OR2L13: variants seen among roughly 807,000 people sequenced by gnomAD.
OR2L13 encodes the protein olfactory receptor family 2 subfamily L member 13.
OR2L13 carries 14 observed loss-of-function variants against 15.3 expected under a neutral mutation model. The observed-to-expected ratio is 0.91, with a 90% CI of 0.60 to 1.43. OR2L13 has a LOEUF of 1.43. Among genes scored for constraint, OR2L13 ranks in the 40% most tolerant of loss-of-function variants. OR2L13 has a pLI of 0.00. For missense variants in OR2L13, 367 were observed against 387.9 expected (o/e 0.95, Z 0.45); for synonymous variants, 152 against 142.9 (o/e 1.06, Z -0.45).
the OR2L13 span, among the ~76,000 whole-genome samples, chr1:247,994,013 CT>C: frequency 6.6e-6 from 1 of 152,096 alleles, no homozygotes; most frequent in Non-Finnish European, 1.5e-5. Flanking sequence ...CTTAAAGGTC[CT>C]GTATGTTTCA....
the OR2L13 span, among the ~76,000 whole-genome samples, chr1:248,075,480 G>C: frequency 1.1e-4 from 17 of 152,278 alleles, no homozygotes; most frequent in African/African-American, 4.1e-4. Flanking sequence ...CAATGTAAAA[G>C]CGTTCCTATT....
chr1:248,038,891 TC>T, the OR2L13 span: 1 of 1,614,128 alleles, frequency 6.2e-7, no homozygotes, highest in Non-Finnish European at 8.5e-7. Flanking sequence ...TTCTTGTGCT[TC>T]CTTTCACTGG....
the OR2L13 span, among the ~76,000 whole-genome samples, chr1:248,004,371 G>T: frequency 6.6e-6 from 1 of 152,110 alleles, no homozygotes; most frequent in East Asian, 1.9e-4. Context: ...ACCAAAGTTG[G>T]CACTTAGTAT....
At chr1:248,073,922 A>G in the OR2L13 span, among the ~76,000 whole-genome samples, 3 of 152,018 alleles carry the variant, frequency 2.0e-5, no homozygotes, top group Non-Finnish European at 4.4e-5. Context: ...CTTTTGAAGT[A>G]TATAATTTTT....
the OR2L13 span, chr1:247,990,309 G>C: frequency 3.4e-5 from 39 of 1,153,306 alleles, no homozygotes; most frequent in Non-Finnish European, 4.8e-5. Flanking sequence ...CATCTTGTTG[G>C]GATTGTCGCC....
chr1:247,956,125 G>T, the OR2L13 span, among the ~76,000 whole-genome samples: 1 of 149,338 alleles, frequency 6.7e-6, no homozygotes. Context: ...TTTGTATAAG[G>T]TGTAAGGAAG....
chr1:248,029,754 T>C, the OR2L13 span, among the ~76,000 whole-genome samples: 3 of 152,330 alleles, frequency 2.0e-5, no homozygotes, highest in East Asian at 5.8e-4. Context: ...ATTATTACTG[T>C]GGATGCCTAA....
chr1:248,023,191 T>C, the OR2L13 span: 1 of 189,006 alleles, frequency 5.3e-6, no homozygotes, highest in Non-Finnish European at 1.1e-5. Context: ...TTCAGCATAA[T>C]AGTTATATGT....
chr1:247,965,288 G>A, the OR2L13 span: 1,921 of 1,394,402 alleles, frequency 1.4e-3, 24 homozygotes, highest in African/African-American at 0.023. Context: ...ATTTCTGAAT[G>A]CCATGTCATT....
chr1:247,981,747 A>C, the OR2L13 span, among the ~76,000 whole-genome samples: 6 of 152,188 alleles, frequency 3.9e-5, no homozygotes, highest in East Asian at 5.8e-4. Flanking sequence ...TTAAACTTGC[A>C]GCTTCTCTTC....
the OR2L13 span, among the ~76,000 whole-genome samples, chr1:248,074,221 G>A: frequency 6.6e-6 from 1 of 151,962 alleles, no homozygotes; most frequent in African/African-American, 2.4e-5. Flanking sequence ...CATCTTAGAA[G>A]GTGCTGAACT....
chr1:248,092,585 G>T (rs1291045343), upstream of OR2L13, among the ~76,000 whole-genome samples: 2 of 152,086 alleles, frequency 1.3e-5, no homozygotes, highest in Non-Finnish European at 2.9e-5. Flanking sequence ...CCACATTCTG[G>T]TCTATAAAAC....
the OR2L13 span, among the ~76,000 whole-genome samples, chr1:248,074,662 C>A: frequency 6.6e-6 from 1 of 152,078 alleles, no homozygotes; most frequent in African/African-American, 2.4e-5. Context: ...TAACAAAAGA[C>A]ACTGAAGACT....
the OR2L13 span, chr1:248,060,909 T>C: frequency 6.2e-7 from 1 of 1,613,942 alleles, no homozygotes; most frequent in Non-Finnish European, 8.5e-7. Context: ...TCTCCACCAT[T>C]GTTCCTAAGA....
the OR2L13 span, among the ~76,000 whole-genome samples, chr1:247,952,515 A>G: frequency 4.6e-5 from 7 of 152,114 alleles, no homozygotes; most frequent in East Asian, 1.2e-3. Context: ...GGTGCCATCT[A>G]TGATGTCATA....
At chr1:248,013,404 G>T in the OR2L13 span, among the ~76,000 whole-genome samples, 3 of 152,068 alleles carry the variant, frequency 2.0e-5, no homozygotes, top group Non-Finnish European at 4.4e-5. Flanking sequence ...TACACAATGA[G>T]AACTCATTTC....
At chr1:248,034,591 C>T in the OR2L13 span, among the ~76,000 whole-genome samples, 1 of 152,026 alleles carries the variant, frequency 6.6e-6, no homozygotes, top group South Asian at 2.1e-4. Flanking sequence ...AGTGTTAAGC[C>T]TTCCAGTCTA....
the OR2L13 span, among the ~76,000 whole-genome samples, chr1:248,026,834 T>G: frequency 1.3e-5 from 2 of 152,318 alleles, no homozygotes; most frequent in African/African-American, 2.4e-5. Flanking sequence ...TCCCATCATC[T>G]TCATAAACTG....
chr1:247,963,956 G>A, the OR2L13 span, among the ~76,000 whole-genome samples: 4 of 152,180 alleles, frequency 2.6e-5, no homozygotes, highest in African/African-American at 9.6e-5. Flanking sequence ...TTGAACACCT[G>A]TGTGACCACT....
Sources: gnomAD v4.1 joint callset for allele counts (sites outside exome capture counted in the v4.1 genomes callset) on GRCh38, gnomAD v4.1.1 for gene constraint, MANE v1.5 for transcripts, NCBI Gene and HGNC (gene_info 2026-07-23, HGNC 2026-07-21) for gene names.